ROPN1L: variants seen among roughly 807,000 people sequenced by gnomAD.
ROPN1L encodes rhophilin associated tail protein 1 like, also known as ropporin-1-like protein.
In ROPN1L, 23 loss-of-function variants were observed where a neutral mutation model predicts 22.7. That is an observed-to-expected ratio of 1.01 (90% CI 0.73 to 1.43). The LOEUF (loss-of-function observed/expected upper bound fraction) is 1.43, where lower values mean the gene tolerates loss of function less well. Ranked by LOEUF, ROPN1L falls within the 40% of genes most tolerant of loss-of-function variation. The pLI, the probability that ROPN1L is intolerant of heterozygous loss-of-function variation, is 0.00. For synonymous variants in ROPN1L, 116 were observed against 117.8 expected (o/e 0.98, Z 0.10); for missense variants, 271 against 291.5 (o/e 0.93, Z 0.51).
At chr5:10,476,830 A>G (rs1205873641), downstream of ROPN1L, among the ~76,000 whole-genome samples, 1 of 152,272 alleles carries the variant, frequency 6.6e-6, no homozygotes, top group Non-Finnish European at 1.5e-5. Flanking sequence ...GAGGACTATC[A>G]TGTCCATTTT....
chr5:10,476,262 A>G (rs1735316649), downstream of ROPN1L, among the ~76,000 whole-genome samples: 1 of 152,120 alleles, frequency 6.6e-6, no homozygotes, highest in African/African-American at 2.4e-5. Flanking sequence ...AGACCCCTCT[A>G]TGTGTTGCGG....
At chr5:10,451,113 A>G (rs1741239057) in intron 3 of ROPN1L, among the ~76,000 whole-genome samples, 1 of 152,258 alleles carries the variant, frequency 6.6e-6, no homozygotes, top group South Asian at 2.1e-4. Context: ...TCCCTTTACT[A>G]CATAGATGAA....
rs57148166 is a variant in ROPN1L, at chr5:10,448,445, G to A, written c.255+62G>A. ...GCCTGTGCTTTCCTTACCGTTCACTGTGCATTGATGACAGAGCGGGGCACA... is the reference window on the plus strand; with the variant it reads ...GCCTGTGCTTTCCTTACCGTTCACTATGCATTGATGACAGAGCGGGGCACA... On this transcript the variant is annotated intron_variant, in intron 2 of 4. Coordinates refer to ENST00000274134, the MANE Select transcript of ROPN1L (RefSeq NM_031916.5). 194 of 1,601,620 alleles carry A rather than the reference G, an allele frequency of 1.2e-4. No homozygotes were observed. The African/African-American group carries it at 2.4e-3, about 20-fold the overall frequency.
downstream of ROPN1L, among the ~76,000 whole-genome samples, chr5:10,465,787 G>A (rs990602650): frequency 5.9e-5 from 9 of 152,098 alleles, no homozygotes; most frequent in African/African-American, 2.2e-4. Context: ...GGGAGGCGGA[G>A]GTTGTAGTGA....
downstream of ROPN1L, among the ~76,000 whole-genome samples, chr5:10,475,974 T>C (rs752367295): frequency 5.9e-5 from 9 of 152,258 alleles, no homozygotes; most frequent in Admixed American, 2.0e-4. Context: ...TGCCATCATA[T>C]GGACTTTCAC....
chr5:10,449,773 C>T (rs192179110), intron 2 of ROPN1L, among the ~76,000 whole-genome samples, 179 bp from the exon 3 acceptor site: 17 of 152,112 alleles, frequency 1.1e-4, no homozygotes, highest in African/African-American at 3.6e-4. Context: ...AAAAGGTTGC[C>T]GCTCGCTGCC....
At chr5:10,480,382 G>T in the ROPN1L span, among the ~76,000 whole-genome samples, 1 of 152,180 alleles carries the variant, frequency 6.6e-6, no homozygotes, top group African/African-American at 2.4e-5. Flanking sequence ...GTCAGGAGGG[G>T]ACTGGAGACC....
intron 4 of ROPN1L, among the ~76,000 whole-genome samples, chr5:10,462,020 C>G (rs2673896): frequency 6.6e-6 from 1 of 152,018 alleles, no homozygotes; most frequent in Non-Finnish European, 1.5e-5. Context: ...TTTAGGGTTT[C>G]TTTTTCCTGG....
At chr5:10,476,453 G>T (rs1386741248), downstream of ROPN1L, among the ~76,000 whole-genome samples, 1 of 152,222 alleles carries the variant, frequency 6.6e-6, no homozygotes, top group African/African-American at 2.4e-5. Flanking sequence ...TAACAAAACA[G>T]TCCTTGTGCA....
downstream of ROPN1L, among the ~76,000 whole-genome samples, chr5:10,473,424 T>C (rs1478567230): frequency 6.6e-6 from 1 of 152,062 alleles, no homozygotes; most frequent in Non-Finnish European, 1.5e-5. Context: ...AATGCTGCCA[T>C]CACTAAGGAG....
chr5:10,460,656 A>G (rs1325562728), intron 3 of ROPN1L, among the ~76,000 whole-genome samples: 1 of 152,212 alleles, frequency 6.6e-6, no homozygotes, highest in African/African-American at 2.4e-5. Flanking sequence ...CTGTGTGAAC[A>G]GGGAGAGAGC....
intron 3 of ROPN1L, among the ~76,000 whole-genome samples, chr5:10,457,048 T>C (rs969996670): frequency 1.3e-5 from 2 of 152,192 alleles, no homozygotes; most frequent in South Asian, 2.1e-4. Flanking sequence ...GGAACATGGA[T>C]TGTGAAATAC....
intron 3 of ROPN1L, among the ~76,000 whole-genome samples, chr5:10,459,292 G>A (rs1014497454): frequency 7.3e-5 from 11 of 151,314 alleles, no homozygotes; most frequent in East Asian, 5.9e-4. Flanking sequence ...CCAGGTTCCC[G>A]CCTTCCACCC....
chr5:10,460,467 A>G (rs761249816), intron 3 of ROPN1L, among the ~76,000 whole-genome samples: 19 of 152,220 alleles, frequency 1.2e-4, no homozygotes, highest in Non-Finnish European at 2.6e-4. Context: ...GCAGGTGCTA[A>G]AAGTGTCTGC....
chr5:10,458,988 C>G (rs899347832), intron 3 of ROPN1L, among the ~76,000 whole-genome samples: 1 of 140,400 alleles, frequency 7.1e-6, no homozygotes, highest in South Asian at 2.4e-4. Flanking sequence ...CGCCTGTATA[C>G]CCCATCTCGC....
chr5:10,471,540 C>G (rs1407732824), intron 4 of ROPN1L, among the ~76,000 whole-genome samples: 5 of 152,144 alleles, frequency 3.3e-5, no homozygotes, highest in African/African-American at 1.2e-4. Flanking sequence ...AAGGAGACTG[C>G]TTACTAAGAT....
chr5:10,448,393 G>C lies in ROPN1L; in HGVS notation c.255+10G>C, dbSNP rs11957839. The stretch of plus-strand genomic sequence containing the variant: ...AGTTTTGCACAAGCAGGTATGGGGG[G>C]GCGTAGTCTCTGGCCTCAGGCAGCT... On this transcript the variant is annotated intron_variant, in intron 2 of 4. Coordinates refer to ENST00000274134, the MANE Select transcript of ROPN1L (RefSeq NM_031916.5). 21,221 of 1,613,790 alleles carry C rather than the reference G, an allele frequency of 0.013. 2,244 individuals carry two copies. The African/African-American group carries it at 0.24, about 18-fold the overall frequency.
the ROPN1L span, among the ~76,000 whole-genome samples, chr5:10,480,921 C>T: frequency 7.7e-3 from 1,179 of 152,274 alleles, 10 homozygotes; most frequent in Non-Finnish European, 0.013. Flanking sequence ...AACTTCCTCT[C>T]ACACCCAGTT....
chr5:10,460,201 G>T (rs2126462566), intron 3 of ROPN1L, among the ~76,000 whole-genome samples: 2 of 152,332 alleles, frequency 1.3e-5, no homozygotes, highest in Middle Eastern at 6.8e-3. Context: ...GGAGACCTGG[G>T]CTATGTGTTC....
Sources: gnomAD v4.1 joint callset for allele counts (sites outside exome capture counted in the v4.1 genomes callset) on GRCh38, gnomAD v4.1.1 for gene constraint, MANE v1.5 for transcripts, NCBI Gene and HGNC (gene_info 2026-07-23, HGNC 2026-07-21) for gene names.